The following EXOC4 variants were observed in gnomAD, a reference collection of about 807,000 sequenced individuals.
The protein encoded by EXOC4 is exocyst complex component 4.
In EXOC4, 71 loss-of-function variants were observed where a neutral mutation model predicts 107.2. That is an observed-to-expected ratio of 0.66 (90% CI 0.55 to 0.81). The LOEUF (loss-of-function observed/expected upper bound fraction) is 0.81, where lower values mean the gene tolerates loss of function less well. EXOC4 is among the 30% of genes least tolerant of loss of function. EXOC4 has a pLI of 0.00. For missense variants in EXOC4, 1,108 were observed against 1,189.6 expected (o/e 0.93, Z 1.01); for synonymous variants, 456 against 441.2 (o/e 1.03, Z -0.42).
At chr7:133,261,369 T>A (rs1312628813) in intron 1 of EXOC4, among the ~76,000 whole-genome samples, 1 of 151,616 alleles carries the variant, frequency 6.6e-6, no homozygotes, top group Non-Finnish European at 1.5e-5. Flanking sequence ...CAGGCTCAGG[T>A]GATCCTCCCC....
chr7:133,259,460 T>C (rs1882540), intron 1 of EXOC4, among the ~76,000 whole-genome samples: 54,178 of 151,698 alleles, frequency 0.36, 11,953 homozygotes, highest in African/African-American at 0.63. Context: ...CTCCTGACCT[T>C]AGGTGATTGG....
chr7:133,677,365 T>C (rs915177088), intron 10 of EXOC4, among the ~76,000 whole-genome samples: 9 of 152,188 alleles, frequency 5.9e-5, no homozygotes, highest in African/African-American at 2.2e-4. Flanking sequence ...TGATTTCATC[T>C]TTAGACACTT....
intron 3 of EXOC4, among the ~76,000 whole-genome samples, chr7:133,294,968 T>C (rs1794485998): frequency 6.6e-6 from 1 of 152,100 alleles, no homozygotes; most frequent in South Asian, 2.1e-4. Flanking sequence ...TTAAGAATAA[T>C]ATGTATCTCC....
chr7:133,996,677 G>A (rs1047488259), intron 14 of EXOC4, among the ~76,000 whole-genome samples: 6 of 152,142 alleles, frequency 3.9e-5, no homozygotes, highest in Non-Finnish European at 8.8e-5. Flanking sequence ...TTAGGGAGGT[G>A]TAAAGCGTCA....
intron 10 of EXOC4, among the ~76,000 whole-genome samples, chr7:133,739,212 G>GT (rs1361636835): frequency 6.8e-6 from 1 of 146,308 alleles, no homozygotes; most frequent in Non-Finnish European, 1.5e-5. Context: ...AGAAGCACAT[G>GT]TAGAGGGGTT....
At chr7:133,820,154 A>ATTTTTTT (rs35640945) in intron 11 of EXOC4, among the ~76,000 whole-genome samples, 6 of 70,296 alleles carry the variant, frequency 8.5e-5, no homozygotes, top group African/African-American at 2.2e-4. Context: ...CACCTGCTTC[A>ATTTTTTT]TTTTTTTTTT....
At chr7:133,536,821 GTATCTACATA>G (rs1818228054) in intron 9 of EXOC4, among the ~76,000 whole-genome samples, 1 of 151,892 alleles carries the variant, frequency 6.6e-6, no homozygotes, top group African/African-American at 2.4e-5. Flanking sequence ...TCTTACTATT[GTATCTACATA>G]TTAGGCAGCA....
chr7:133,352,007 A>G (rs1795922301), intron 5 of EXOC4, among the ~76,000 whole-genome samples: 1 of 151,932 alleles, frequency 6.6e-6, no homozygotes. Context: ...TTTGTTATTG[A>G]TTTCTAACTT....
In EXOC4 at chr7:133,864,094, ATAAC is replaced by A. The variant is rs1798588674; in HGVS notation, c.1735-31504_1735-31501del. 1.3e-5 allele frequency among the ~76,000 whole-genome samples: 2 copies of A among 152,176 alleles called. 1 individual carries two copies. The highest frequency in any genetic ancestry group is 1.3e-4 in the Admixed American group (2 of 15,266). The stretch of plus-strand genomic sequence containing the variant: ...AATCTCTGATGGCTAATTTGCATAA[ATAAC>A]CGTGCTAAAATAAAATAGTACAGAG... On this transcript the variant is annotated intron_variant, in intron 11 of 17. Coordinates refer to ENST00000253861, the MANE Select transcript of EXOC4 (RefSeq NM_021807.4).
chr7:133,771,027 A>G (rs565883105), intron 10 of EXOC4, among the ~76,000 whole-genome samples: 1 of 152,084 alleles, frequency 6.6e-6, no homozygotes, highest in South Asian at 2.1e-4. Context: ...ACTTCCCATG[A>G]TTGAGTTAAA....
chr7:133,849,649 T>C (rs565941846), intron 11 of EXOC4, among the ~76,000 whole-genome samples: 1 of 152,316 alleles, frequency 6.6e-6, no homozygotes, highest in Admixed American at 6.5e-5. Context: ...ACTATTCTTA[T>C]CACAATTTAT....
intron 6 of EXOC4, among the ~76,000 whole-genome samples, chr7:133,369,798 T>TC (rs968177406): frequency 7.6e-6 from 1 of 132,340 alleles, no homozygotes; most frequent in Non-Finnish European, 1.6e-5. Flanking sequence ...CTACTAGATT[T>TC]CCTTTTTTTT....
At chr7:134,031,442 AC>A (rs1421812364) in intron 17 of EXOC4, among the ~76,000 whole-genome samples, 10 of 152,080 alleles carry the variant, frequency 6.6e-5, no homozygotes, top group Non-Finnish European at 1.5e-4. Flanking sequence ...AAGGTTTATA[AC>A]CCTGCCTGGA....
chr7:133,791,725 G>A (rs368710523), intron 10 of EXOC4, among the ~76,000 whole-genome samples: 3 of 152,098 alleles, frequency 2.0e-5, no homozygotes, highest in Admixed American at 6.6e-5. Flanking sequence ...AGCAGGGGGC[G>A]GTGATGGCAA....
chr7:133,936,810 C>T, intron 13 of EXOC4, among the ~76,000 whole-genome samples: 1 of 152,228 alleles, frequency 6.6e-6, no homozygotes, highest in African/African-American at 2.4e-5. Flanking sequence ...TAGGTGCATG[C>T]CGGCACGCCT....
At chr7:133,765,856 G>T (rs1054276094) in intron 10 of EXOC4, among the ~76,000 whole-genome samples, 28 of 152,030 alleles carry the variant, frequency 1.8e-4, no homozygotes, top group African/African-American at 6.3e-4. Context: ...ACTCAAAGTA[G>T]TATATGACTT....
intron 11 of EXOC4, among the ~76,000 whole-genome samples, chr7:133,832,816 T>A (rs531973084): frequency 6.6e-6 from 1 of 152,164 alleles, no homozygotes; most frequent in African/African-American, 2.4e-5. Flanking sequence ...GGTTTTTTTA[T>A]GTATTGAAAT....
intron 17 of EXOC4, among the ~76,000 whole-genome samples, chr7:134,045,911 A>G (rs1795639728): frequency 1.3e-5 from 2 of 152,200 alleles, no homozygotes; most frequent in Admixed American, 6.5e-5. Context: ...AATTAGCATA[A>G]TATTTTCAAG....
chr7:133,391,854 A>G (rs913021107), intron 7 of EXOC4, among the ~76,000 whole-genome samples: 5 of 152,216 alleles, frequency 3.3e-5, no homozygotes, highest in Admixed American at 3.3e-4. Flanking sequence ...GTGAGAAGGA[A>G]TAGAAAGTAA....
Sources: gnomAD v4.1 joint callset for allele counts (sites outside exome capture counted in the v4.1 genomes callset) on GRCh38, gnomAD v4.1.1 for gene constraint, MANE v1.5 for transcripts, NCBI Gene and HGNC (gene_info 2026-07-23, HGNC 2026-07-21) for gene names.